Variants in HDAC9 observed in about 807,000 individuals in gnomAD.
HDAC9 encodes histone deacetylase 9.
Under a neutral mutation model 139.4 loss-of-function variants are expected in HDAC9, and 41 were observed. The ratio of observed to expected loss-of-function variants is 0.29; its 90% CI spans 0.23 to 0.38. HDAC9 has a LOEUF of 0.38. HDAC9 is among the 10% of genes least tolerant of loss of function. HDAC9 has a pLI of 1.00. For missense variants in HDAC9, 1,147 were observed against 1,297.0 expected, an observed-to-expected ratio of 0.88 and a Z score of 1.78; for synonymous variants, 517 against 476.2, an observed-to-expected ratio of 1.09 and a Z score of -1.12.
intron 1 of HDAC9, among the ~76,000 whole-genome samples, chr7:18,489,013 T>G (rs1796172968): frequency 6.6e-6 from 1 of 152,026 alleles, no homozygotes; most frequent in Non-Finnish European, 1.5e-5. Context: ...AATTAATATT[T>G]TAATAAGAAA....
At chr7:18,921,778 C>A (rs62448104) in intron 22 of HDAC9, among the ~76,000 whole-genome samples, 6,618 of 152,074 alleles carry the variant, frequency 0.044, 211 homozygotes, top group Non-Finnish European at 0.067. Context: ...CACATGTACA[C>A]GTATGTTTAT....
At chr7:18,215,770 T>C (rs770302493) in intron 2 of HDAC9, among the ~76,000 whole-genome samples, 6 of 152,180 alleles carry the variant, frequency 3.9e-5, no homozygotes, top group African/African-American at 1.2e-4. Flanking sequence ...TTTCTTGCCT[T>C]GGTCTTCCTG....
At chr7:18,603,789 A>G (rs970049855) in intron 6 of HDAC9, among the ~76,000 whole-genome samples, 7 of 151,950 alleles carry the variant, frequency 4.6e-5, no homozygotes, top group Non-Finnish European at 1.0e-4. Context: ...TTTCCTTCTC[A>G]CTGAAAAACT....
intron 1 of HDAC9, among the ~76,000 whole-genome samples, chr7:18,480,510 G>A (rs1446754474): frequency 6.6e-6 from 1 of 152,166 alleles, no homozygotes; most frequent in Non-Finnish European, 1.5e-5. Context: ...TTGTAGGGAG[G>A]GAGAGTGGTT....
chr7:18,986,696 C>T (rs1253347213), intron 25 of HDAC9, among the ~76,000 whole-genome samples: 1 of 152,174 alleles, frequency 6.6e-6, no homozygotes, highest in Non-Finnish European at 1.5e-5. Context: ...ATTCTTCCTA[C>T]CCATGAGCAT....
intron 22 of HDAC9, among the ~76,000 whole-genome samples, chr7:18,881,674 T>C (rs1376232561): frequency 6.6e-6 from 1 of 152,132 alleles, no homozygotes; most frequent in Non-Finnish European, 1.5e-5. Flanking sequence ...CTTCACTAAT[T>C]ACCTGACTAT....
In HDAC9 at chr7:18,495,822, A is replaced by C; in HGVS notation, c.-243A>C. 9.8e-7 allele frequency: 1 copy of C among 1,019,998 alleles called. No individual in the cohort carries two copies. Among genetic ancestry groups the C allele is most frequent in the Non-Finnish European group, 1.2e-6 (1 of 853,102 alleles). 63.2% of individuals were successfully genotyped at this position (1,019,998 alleles called of 1,614,324 possible). ...TTGCAGGACTGAGGGTTTTTGCAAC[A>C]AAACCCTAGCAGCCTGAAGAACTCT... is the stretch of plus-strand genomic sequence containing the variant. On this transcript the variant is annotated 5_prime_UTR_variant, in exon 1 of 26. Coordinates refer to ENST00000686413, the MANE Select transcript of HDAC9 (RefSeq NM_178425.4).
At chr7:18,976,622 C>A (rs1006192437) in intron 25 of HDAC9, among the ~76,000 whole-genome samples, 1 of 152,138 alleles carries the variant, frequency 6.6e-6, no homozygotes, top group African/African-American at 2.4e-5. Context: ...ATTTGATTCA[C>A]TTGTTCTCTT....
intron 2 of HDAC9, among the ~76,000 whole-genome samples, chr7:18,269,370 T>C (rs1458051819): frequency 6.6e-6 from 1 of 152,122 alleles, no homozygotes; most frequent in Non-Finnish European, 1.5e-5. Flanking sequence ...TTCCAAGCAA[T>C]TGAGCAGGTA....
intron 22 of HDAC9, among the ~76,000 whole-genome samples, chr7:18,876,041 TTC>T (rs746950457): frequency 1.3e-5 from 2 of 152,176 alleles, no homozygotes; most frequent in Non-Finnish European, 2.9e-5. Flanking sequence ...AACAAGACTC[TTC>T]GTCAGAACTA....
At chr7:18,417,815 A>C (rs147602360) in intron 1 of HDAC9, among the ~76,000 whole-genome samples, 47 of 152,194 alleles carry the variant, frequency 3.1e-4, no homozygotes, top group African/African-American at 8.9e-4. Context: ...GTTCCCATAC[A>C]TATATGTATT....
chr7:18,472,058 T>G (rs1794768256), intron 1 of HDAC9, among the ~76,000 whole-genome samples: 1 of 152,230 alleles, frequency 6.6e-6, no homozygotes, highest in Non-Finnish European at 1.5e-5. Flanking sequence ...AACAGGGCTG[T>G]TCTCTAATTG....
intron 1 of HDAC9, among the ~76,000 whole-genome samples, chr7:18,390,348 A>G (rs1786358332): frequency 6.6e-6 from 1 of 152,158 alleles, no homozygotes; most frequent in Non-Finnish European, 1.5e-5. Context: ...TTTCAGAATT[A>G]TGGCTGAGAT....
At position 18,574,156 on chromosome 7, in the gene HDAC9, C is replaced by G. The variant is rs371591410; in HGVS notation, c.23-11125C>G. On this transcript the variant is annotated intron_variant, in intron 2 of 25. Coordinates refer to ENST00000686413, the MANE Select transcript of HDAC9 (RefSeq NM_178425.4). The stretch of plus-strand genomic sequence containing the variant: ...AGGTCATCCTGACGAGTGTCCAGCT[C>G]TCAGTGGAGAGGAGACCCACAGTGG... Among the ~76,000 whole-genome samples the G allele has an allele frequency of 6.6e-5, 10 of 152,328 alleles. No homozygotes were observed. In the South Asian group the frequency reaches 1.2e-3, roughly 19 times the overall value.
At chr7:18,477,477 C>T (rs562879403) in intron 1 of HDAC9, among the ~76,000 whole-genome samples, 14 of 152,216 alleles carry the variant, frequency 9.2e-5, no homozygotes, top group African/African-American at 3.4e-4. Flanking sequence ...ACTGCATTTA[C>T]AAAATATATT....
At chr7:18,869,279 G>A (rs903614306) in intron 21 of HDAC9, among the ~76,000 whole-genome samples, 6 of 151,902 alleles carry the variant, frequency 3.9e-5, no homozygotes, top group African/African-American at 1.5e-4. Context: ...TAATGCTGGA[G>A]GTGGGGCTTG....
At chr7:18,609,516 C>G (rs1183296647) in intron 6 of HDAC9, among the ~76,000 whole-genome samples, 1 of 152,118 alleles carries the variant, frequency 6.6e-6, no homozygotes, top group African/African-American at 2.4e-5. Flanking sequence ...ACAGCAAACT[C>G]TTCCCTCTGA....
intron 1 of HDAC9, among the ~76,000 whole-genome samples, chr7:18,344,911 A>C (rs1237606952): frequency 6.6e-6 from 1 of 152,096 alleles, no homozygotes; most frequent in East Asian, 1.9e-4. Flanking sequence ...AAGGAGCTGC[A>C]GTCTTTAATG....
At chr7:18,110,848 G>A (rs1783567042) in intron 1 of HDAC9, among the ~76,000 whole-genome samples, 1 of 152,144 alleles carries the variant, frequency 6.6e-6, no homozygotes, top group South Asian at 2.1e-4. Flanking sequence ...AAATGGATAT[G>A]ATAGATATTT....
Sources: gnomAD v4.1 joint callset for allele counts (sites outside exome capture counted in the v4.1 genomes callset) on GRCh38, gnomAD v4.1.1 for gene constraint, MANE v1.5 for transcripts, NCBI Gene and HGNC (gene_info 2026-07-23, HGNC 2026-07-21) for gene names.